The following LNX2 variants were observed in gnomAD, a reference collection of about 807,000 sequenced individuals.
LNX2 encodes the protein ligand of Numb protein X 2.
In LNX2, 35 loss-of-function variants were observed where a neutral mutation model predicts 66.2. The ratio of observed to expected loss-of-function variants is 0.53; its 90% CI spans 0.40 to 0.70. The LOEUF (loss-of-function observed/expected upper bound fraction) is 0.70. Among genes scored for constraint, LNX2 ranks in the 30% least tolerant of loss-of-function variants. LNX2 has a pLI of 0.00. For missense variants in LNX2, 791 were observed against 850.8 expected (o/e 0.93, Z 0.87); for synonymous variants, 337 against 315.6 (o/e 1.07, Z -0.72).
At chr13:27,593,680 G>C (rs1955568046) in intron 1 of LNX2, among the ~76,000 whole-genome samples, 1 of 147,068 alleles carries the variant, frequency 6.8e-6, no homozygotes, top group African/African-American at 2.5e-5. Flanking sequence ...CGATTCTCCT[G>C]CCTCAGCCTC....
At chr13:27,578,206 C>T (rs1955360739) in intron 2 of LNX2, among the ~76,000 whole-genome samples, 1 of 152,184 alleles carries the variant, frequency 6.6e-6, no homozygotes, top group Admixed American at 6.5e-5. Context: ...ATGCAAACTA[C>T]TGCTAATGCT....
intron 1 of LNX2, among the ~76,000 whole-genome samples, chr13:27,603,076 T>A (rs1955676348): frequency 1.3e-5 from 2 of 152,198 alleles, no homozygotes; most frequent in African/African-American, 4.8e-5. Flanking sequence ...GAAATAATTA[T>A]GCTGTCAAAT....
rs1285713375 is a variant in LNX2 at position 27,572,850 on chromosome 13, T to C, written c.408-3574A>G. Among the ~76,000 whole-genome samples the C allele has an allele frequency of 2.0e-5, 3 of 152,192 alleles. No homozygotes were observed. In the East Asian group the frequency reaches 5.8e-4, roughly 29 times the overall value. ...ATACTAACCACTGCACAATGCCAGGTATTTAATGACACTGAAAGAATGTGA... is the reference window on the plus strand; with the variant it reads ...ATACTAACCACTGCACAATGCCAGGCATTTAATGACACTGAAAGAATGTGA... On this transcript the variant is annotated intron_variant, in intron 2 of 9. Coordinates refer to ENST00000316334, the MANE Select transcript of LNX2 (RefSeq NM_153371.4).
intron 4 of LNX2, 43 bp from the exon 5 acceptor site, chr13:27,562,824 T>C: frequency 6.4e-7 from 1 of 1,561,394 alleles, no homozygotes; most frequent in Non-Finnish European, 8.7e-7. Context: ...AACCTTTTAT[T>C]TTTCCAATTT....
chr13:27,568,476 G>A (rs747937514), intron 3 of LNX2, among the ~76,000 whole-genome samples: 3 of 152,058 alleles, frequency 2.0e-5, no homozygotes, highest in Admixed American at 6.6e-5. Flanking sequence ...GTGTATAACG[G>A]TGAGATGCAT....
intron 1 of LNX2, among the ~76,000 whole-genome samples, chr13:27,582,480 T>A (rs1303838686): frequency 6.6e-6 from 1 of 152,242 alleles, no homozygotes; most frequent in Non-Finnish European, 1.5e-5. Flanking sequence ...GCCAATTAAT[T>A]GTGCTAATAG....
chr13:27,553,388 C>G lies in LNX2; in HGVS notation c.1598G>C (p.Ser533Thr). Residue 533 changes from serine (S) to threonine (T), a missense_variant, in exon 8 of 10, where the codon AGT becomes ACT. By Grantham distance (58) the Ser-to-Thr change is moderately conservative. Transcript: ENST00000316334. ...GGCTTTCAGCATTGCAACTGCCTCA[C>G]TGTGACTTAAATTGGTCAAATCAAT... Reference protein sequence around the residue: ...NGIDLTNLSHSEAVAMLKASA... With the variant: ...NGIDLTNLSHTEAVAMLKASA... 8 of 1,614,208 alleles carry G rather than the reference C, an allele frequency of 5.0e-6. No homozygotes were observed. The highest frequency in any genetic ancestry group is 5.9e-6 in the Non-Finnish European group (7 of 1,180,034).
chr13:27,585,658 G>C (rs1459857341), intron 1 of LNX2, among the ~76,000 whole-genome samples: 1 of 151,942 alleles, frequency 6.6e-6, no homozygotes, highest in Non-Finnish European at 1.5e-5. Flanking sequence ...GTCCAAGCTA[G>C]GTATTTTAAT....
intron 5 of LNX2, among the ~76,000 whole-genome samples, chr13:27,561,163 T>C (rs1955130987): frequency 6.6e-6 from 1 of 152,236 alleles, no homozygotes; most frequent in African/African-American, 2.4e-5. Context: ...TTAAAATACA[T>C]TTTCTATCTG....
At chr13:27,564,142 TTACAAAACGTCTG>T (rs370240191) in intron 4 of LNX2, among the ~76,000 whole-genome samples, 16 of 152,346 alleles carry the variant, frequency 1.1e-4, no homozygotes, top group African/African-American at 3.6e-4. Context: ...ACAAATGACT[TTACAAAACGTCTG>T]GCTAAAATCC....
chr13:27,548,418 G>A lies in LNX2; in HGVS notation c.1990C>T (p.His664Tyr). The stretch of plus-strand genomic sequence containing the variant: ...TTCAACATGGGAACTAGTGCAGAGT[G>A]GCTCATGCCCACGGTTGACAGCCCA... ...VNGLSTVGMS[H>Y]SALVPMLKEQ... Residue 664 changes from histidine (H) to tyrosine (Y), a missense_variant, in exon 10 of 10, where the codon CAC (histidine) becomes TAC (tyrosine). Coordinates refer to ENST00000316334, the MANE Select transcript of LNX2 (RefSeq NM_153371.4). The A allele has an allele frequency of 6.2e-7, 1 of 1,614,056 alleles. No homozygotes were observed. Among genetic ancestry groups the A allele is most frequent in the Non-Finnish European group, 8.5e-7 (1 of 1,179,928 alleles).
chr13:27,562,012 A>G (rs535104927), intron 5 of LNX2, among the ~76,000 whole-genome samples: 1 of 152,348 alleles, frequency 6.6e-6, no homozygotes, highest in South Asian at 2.1e-4. Flanking sequence ...CTCTATTTAT[A>G]TAGATCCTGA....
intron 5 of LNX2, 126 bp from the exon 6 acceptor site, chr13:27,560,111 G>C: frequency 1.5e-6 from 1 of 676,630 alleles, no homozygotes; most frequent in Admixed American, 3.6e-5. Flanking sequence ...GACAGTGACT[G>C]CAAGCACCTG....
intron 1 of LNX2, among the ~76,000 whole-genome samples, chr13:27,618,515 T>C (rs1955851231): frequency 6.6e-6 from 1 of 152,178 alleles, no homozygotes; most frequent in African/African-American, 2.4e-5. Context: ...ACGCTGCAGA[T>C]ATCTTTCTGG....
At chr13:27,553,617 A>T (rs892381234) in intron 7 of LNX2, among the ~76,000 whole-genome samples, 178 bp from the exon 8 acceptor site, 6 of 152,190 alleles carry the variant, frequency 3.9e-5, no homozygotes, top group African/African-American at 1.4e-4. Flanking sequence ...AAGAAACCCA[A>T]TACACAGAAA....
intron 1 of LNX2, among the ~76,000 whole-genome samples, chr13:27,599,999 T>C (rs1379931858): frequency 1.3e-5 from 2 of 152,174 alleles, no homozygotes; most frequent in Non-Finnish European, 2.9e-5. Context: ...CACTTTATCT[T>C]GTTTTCCCCT....
In LNX2 at chr13:27,550,343, C is replaced by G; in HGVS notation, c.1927G>C (p.Gly643Arg). Residue 643 changes from glycine to arginine, a missense_variant, in exon 9 of 10, where the codon GGA (glycine) becomes CGA (arginine). Gly to Arg is a moderately radical substitution (Grantham distance 125). Transcript: ENST00000316334. ...TAGAACAAGACTCACTTTAATCTTC[C>G]ATCATAATAAGCAGGAGTTCCCAAG... ...IVLGTPAYYD[G>R]RLKCGDMIVA... The G allele has an allele frequency of 6.2e-7, 1 of 1,612,544 alleles. No individual in the cohort carries two copies. Among genetic ancestry groups the G allele is most frequent in the Non-Finnish European group, 8.5e-7 (1 of 1,179,328 alleles).
At chr13:27,595,142 A>T (rs989419258) in intron 1 of LNX2, among the ~76,000 whole-genome samples, 2 of 152,218 alleles carry the variant, frequency 1.3e-5, no homozygotes, top group Non-Finnish European at 2.9e-5. Flanking sequence ...TCCTGACCAC[A>T]GCATCCTCTT....
In LNX2 at chr13:27,562,995, A is replaced by G. The variant is rs554093279; in HGVS notation, c.856-214T>C. On this transcript the variant is annotated intron_variant, in intron 4 of 9. Coordinates refer to ENST00000316334, the MANE Select transcript of LNX2 (RefSeq NM_153371.4). ...ACTTACAGTGACTAGCATCAAGGAG[A>G]GAATAGTAGCTAGGATCACGGGCTT... Among the ~76,000 whole-genome samples the G allele has an allele frequency of 2.6e-5, 4 of 152,320 alleles. No individual in the cohort carries two copies. In the East Asian group the frequency reaches 7.7e-4, roughly 29 times the overall value.
Sources: gnomAD v4.1 joint callset for allele counts (sites outside exome capture counted in the v4.1 genomes callset) on GRCh38, gnomAD v4.1.1 for gene constraint, MANE v1.5 for transcripts, NCBI Gene and HGNC (gene_info 2026-07-23, HGNC 2026-07-21) for gene names.